The following CAMK1D variants were observed in gnomAD, a reference collection of about 807,000 sequenced individuals.
CAMK1D encodes the protein calcium/calmodulin-dependent protein kinase type 1D.
CAMK1D carries 9 observed loss-of-function variants against 47.7 expected under a neutral mutation model. The observed-to-expected ratio is 0.19, with a 90% CI of 0.11 to 0.33. The LOEUF (loss-of-function observed/expected upper bound fraction) is 0.33. Ranked by LOEUF, CAMK1D falls within the 10% of genes least tolerant of loss-of-function variation. CAMK1D has a pLI of 1.00. For synonymous variants in CAMK1D, 184 were observed against 184.9 expected, an observed-to-expected ratio of 0.99 and a Z score of 0.04; for missense variants, 291 against 488.7, an observed-to-expected ratio of 0.60 and a Z score of 3.81.
At chr10:12,697,494 G>T (rs1393831158) in intron 3 of CAMK1D, among the ~76,000 whole-genome samples, 1 of 152,212 alleles carries the variant, frequency 6.6e-6, no homozygotes, top group Non-Finnish European at 1.5e-5. Flanking sequence ...CGCCTTCCCA[G>T]TTCAAGCGAT....
intron 1 of CAMK1D, among the ~76,000 whole-genome samples, chr10:12,359,710 CT>C (rs1837607046): frequency 6.6e-6 from 1 of 152,014 alleles, no homozygotes; most frequent in African/African-American, 2.4e-5. Flanking sequence ...TGCTTTGTTT[CT>C]TATTGAAACT....
intron 3 of CAMK1D, among the ~76,000 whole-genome samples, chr10:12,681,160 G>C (rs1004592791): frequency 6.6e-6 from 1 of 152,128 alleles, no homozygotes; most frequent in Admixed American, 6.5e-5. Context: ...ACAGCCCCAC[G>C]GCCACGCTCT....
intron 2 of CAMK1D, among the ~76,000 whole-genome samples, chr10:12,631,198 G>T (rs965791463): frequency 6.6e-6 from 1 of 152,180 alleles, no homozygotes; most frequent in African/African-American, 2.4e-5. Context: ...GGAAAAAAAG[G>T]TTTCAGACTA....
intron 1 of CAMK1D, among the ~76,000 whole-genome samples, chr10:12,431,837 G>A (rs1448628224): frequency 6.6e-6 from 1 of 152,294 alleles, no homozygotes; most frequent in Non-Finnish European, 1.5e-5. Flanking sequence ...TCTCACATCC[G>A]CAGAGGATTT....
At chr10:12,721,806 C>T (rs1015041806) in intron 3 of CAMK1D, among the ~76,000 whole-genome samples, 1 of 152,178 alleles carries the variant, frequency 6.6e-6, no homozygotes, top group African/African-American at 2.4e-5. Context: ...CTTTGATAGA[C>T]AAGCACTGGT....
chr10:12,600,548 G>A (rs183330053), intron 2 of CAMK1D, among the ~76,000 whole-genome samples: 63 of 152,298 alleles, frequency 4.1e-4, no homozygotes, highest in Admixed American at 1.5e-3. Context: ...TTCCTTTTTA[G>A]CAACCAAGAA....
intron 6 of CAMK1D, among the ~76,000 whole-genome samples, chr10:12,792,896 C>T (rs2131004057): frequency 6.6e-6 from 1 of 152,194 alleles, no homozygotes; most frequent in East Asian, 1.9e-4. Flanking sequence ...GTGTGTTTCA[C>T]ATCCTTTTGA....
At chr10:12,473,942 A>G (rs898827111) in intron 1 of CAMK1D, among the ~76,000 whole-genome samples, 4 of 152,216 alleles carry the variant, frequency 2.6e-5, no homozygotes, top group African/African-American at 9.7e-5. Context: ...TGAGTACTGA[A>G]AAGGCAATTC....
At position 12,671,369 on chromosome 10, in the gene CAMK1D, A is replaced by G. The variant is rs1263940777; in HGVS notation, c.299+4559A>G. On this transcript the variant is annotated intron_variant, in intron 3 of 10. Transcript: ENST00000619168. ...CTCTTTTTTTTTTTTTAACATTTTG[A>G]GAACTCATCAAACTATTTTCCAAAA... Among the ~76,000 whole-genome samples the G allele has an allele frequency of 2.0e-5, 3 of 150,010 alleles. No homozygotes were observed. In the East Asian group the frequency reaches 5.9e-4, roughly 29 times the overall value.
chr10:12,746,673 G>A (rs1437340012), intron 3 of CAMK1D, among the ~76,000 whole-genome samples: 3 of 151,710 alleles, frequency 2.0e-5, no homozygotes, highest in Non-Finnish European at 2.9e-5. Context: ...TTCTATAATC[G>A]TGACCAGAGT....
At position 12,387,773 on chromosome 10, in the gene CAMK1D, C is replaced by T. The variant is rs189281704; in HGVS notation, c.92+37863C>T. On this transcript the variant is annotated intron_variant, in intron 1 of 10. Transcript: ENST00000619168. ...CTAAAATGCTAGCATTACAGGCATG[C>T]GCTACCGTACCTGGCCTGTGTGTGT... Among the ~76,000 whole-genome samples, 387 of 152,020 alleles carry T rather than the reference C, an allele frequency of 2.5e-3. 5 individuals are homozygous for T. Among genetic ancestry groups the T allele is most frequent in the Middle Eastern group, 3.4e-3 (1 of 294 alleles).
chr10:12,799,733 C>T (rs1838349313), intron 6 of CAMK1D, among the ~76,000 whole-genome samples: 1 of 152,268 alleles, frequency 6.6e-6, no homozygotes, highest in South Asian at 2.1e-4. Context: ...ATGTATTTGG[C>T]CCTTTAGGAG....
intron 1 of CAMK1D, 84 bp from the exon 2 acceptor site, chr10:12,553,141 C>A: frequency 1.3e-6 from 2 of 1,597,874 alleles, no homozygotes; most frequent in South Asian, 1.1e-5. Flanking sequence ...ATTGTTTACT[C>A]AAACTTCGGT....
At chr10:12,474,285 G>T (rs575799525) in intron 1 of CAMK1D, among the ~76,000 whole-genome samples, 7 of 143,960 alleles carry the variant, frequency 4.9e-5, no homozygotes, top group African/African-American at 1.8e-4. Context: ...TGCAAGCTCC[G>T]CCTCCTGGGT....
chr10:12,710,047 G>A (rs1253836258), intron 3 of CAMK1D, among the ~76,000 whole-genome samples: 3 of 152,152 alleles, frequency 2.0e-5, no homozygotes, highest in African/African-American at 7.2e-5. Context: ...CTGTGCCTCA[G>A]TTTCCTCTAA....
chr10:12,376,801 T>C (rs1390355794), intron 1 of CAMK1D, among the ~76,000 whole-genome samples: 1 of 151,496 alleles, frequency 6.6e-6, no homozygotes, highest in African/African-American at 2.4e-5. Context: ...TCGCCCAGGC[T>C]GGAGTACAGT....
At chr10:12,406,164 C>T (rs1375521844) in intron 1 of CAMK1D, among the ~76,000 whole-genome samples, 1 of 152,172 alleles carries the variant, frequency 6.6e-6, no homozygotes, top group Non-Finnish European at 1.5e-5. Context: ...CCAAGATGAT[C>T]TTTCCTTGCT....
intron 3 of CAMK1D, among the ~76,000 whole-genome samples, chr10:12,715,068 A>AT: frequency 6.6e-6 from 1 of 152,226 alleles, no homozygotes; most frequent in African/African-American, 2.4e-5. Flanking sequence ...ATCGAACTGT[A>AT]TGTCTGTATC....
At chr10:12,459,503 GA>G (rs796406129) in intron 1 of CAMK1D, among the ~76,000 whole-genome samples, 56 of 149,146 alleles carry the variant, frequency 3.8e-4, no homozygotes, top group Admixed American at 2.7e-3. Flanking sequence ...ACAGAAAATT[GA>G]AAAAAAAACC....
Sources: gnomAD v4.1 joint callset for allele counts (sites outside exome capture counted in the v4.1 genomes callset) on GRCh38, gnomAD v4.1.1 for gene constraint, MANE v1.5 for transcripts, NCBI Gene and HGNC (gene_info 2026-07-23, HGNC 2026-07-21) for gene names.